DOP1A: variants seen among roughly 807,000 people sequenced by gnomAD.
DOP1A encodes DOP1 leucine zipper like protein A.
In DOP1A, 90 loss-of-function variants were observed where a neutral mutation model predicts 267.6. The ratio of observed to expected loss-of-function variants is 0.34; its 90% confidence interval spans 0.28 to 0.40. DOP1A has a LOEUF of 0.40. DOP1A is among the 10% of genes least tolerant of loss of function. The pLI, the probability that DOP1A is intolerant of heterozygous loss-of-function variation, is 1.00. For synonymous variants in DOP1A, 932 were observed against 999.1 expected (o/e 0.93, Z 1.27); for missense variants, 2,437 against 2,900.4 (o/e 0.84, Z 3.67).
intron 38 of DOP1A, chr6:83,166,846 A>G (rs1785813919): frequency 1.0e-6 from 1 of 1,001,416 alleles, no homozygotes; most frequent in South Asian, 4.5e-5. Context: ...CTGATCTTAG[A>G]AGGCAAACTC....
chr6:83,147,102 A>G (rs1780756156), intron 25 of DOP1A, 134 bp from the exon 26 acceptor site: 1 of 409,834 alleles, frequency 2.4e-6, no homozygotes, highest in Non-Finnish European at 4.4e-6. Flanking sequence ...ATGGCTCATT[A>G]ATGAAAAATT....
At position 83,138,305 on chromosome 6, in the gene DOP1A, T is replaced by C. The variant is rs774558140; in HGVS notation, c.4263T>C (p.Asn1421=). The C allele has an allele frequency of 1.1e-5, 17 of 1,612,598 alleles. No individual in the cohort carries two copies. The South Asian group carries it at 1.5e-4, about 15-fold the overall frequency. ...CTCCTCAGTTGTCTCTCCTTCAGAA[T>C]CTATTGGCCAGACACCGGATTTCTG... is the stretch of plus-strand genomic sequence containing the variant. ...AYTPQLSLLQ[N]LLARHRISVM... The change falls in exon 21 of 39, where the codon AAT becomes AAC. Residue 1421 remains asparagine (N), a synonymous_variant. Transcript: ENST00000349129.
chr6:83,107,857 A>G (rs1160992300), intron 4 of DOP1A, among the ~76,000 whole-genome samples: 2 of 152,252 alleles, frequency 1.3e-5, no homozygotes, highest in Admixed American at 1.3e-4. Context: ...CTAGAAAGGA[A>G]TTCTTCAGTA....
chr6:83,107,731 G>C (rs1773880513), intron 4 of DOP1A, among the ~76,000 whole-genome samples: 1 of 152,182 alleles, frequency 6.6e-6, no homozygotes, highest in African/African-American at 2.4e-5. Flanking sequence ...AGGCCTGAAA[G>C]TTTGGGAATC....
At chr6:83,112,763 G>T (rs996519734) in intron 6 of DOP1A, among the ~76,000 whole-genome samples, 7 of 152,084 alleles carry the variant, frequency 4.6e-5, no homozygotes, top group African/African-American at 1.7e-4. Context: ...ATGCCTAACA[G>T]CATTATGCTA....
At chr6:83,094,222 C>T (rs893214613) in intron 1 of DOP1A, among the ~76,000 whole-genome samples, 6 of 152,176 alleles carry the variant, frequency 3.9e-5, no homozygotes, top group East Asian at 1.9e-4. Context: ...AAGGTTCATG[C>T]GTGTTATAGT....
chr6:83,090,578 CAT>C (rs889505340), intron 1 of DOP1A, among the ~76,000 whole-genome samples: 6 of 152,126 alleles, frequency 3.9e-5, no homozygotes, highest in Non-Finnish European at 1.5e-5. Flanking sequence ...TGTTAAGAGA[CAT>C]GGTGAAATAA....
intron 37 of DOP1A, among the ~76,000 whole-genome samples, chr6:83,161,840 A>G (rs916255223): frequency 3.3e-5 from 5 of 152,106 alleles, no homozygotes; most frequent in Non-Finnish European, 5.9e-5. Flanking sequence ...TCCTGTCTCT[A>G]TATTCTCAGA....
chr6:83,110,613 T>C (rs932744569), intron 6 of DOP1A, among the ~76,000 whole-genome samples: 2 of 152,140 alleles, frequency 1.3e-5, no homozygotes, highest in African/African-American at 4.8e-5. Context: ...AAACAGATAG[T>C]GAAAGATAAT....
chr6:83,099,330 G>A (rs1030717786), intron 3 of DOP1A, among the ~76,000 whole-genome samples: 34 of 152,242 alleles, frequency 2.2e-4, no homozygotes, highest in African/African-American at 7.7e-4. Context: ...TCTCTTTGAT[G>A]TTAGAACTTC....
chr6:83,145,485 A>G lies in DOP1A; in HGVS notation c.5542-39A>G, dbSNP rs374690772. 7.3e-6 allele frequency: 11 copies of G among 1,509,722 alleles called. No individual in the cohort carries two copies. The East Asian group carries it at 7.4e-5, about 10-fold the overall frequency. The allele number at this position is 1,509,722 out of a possible 1,614,324, so 93.5% of individuals were successfully genotyped here. ...TTCTGTAACTTCCCCTAAAAGACTT[A>G]TATACATACATACATACATACAATG... On this transcript the variant is annotated intron_variant, in intron 24 of 38. Coordinates refer to ENST00000349129, the MANE Select transcript of DOP1A (RefSeq NM_015018.4).
intron 23 of DOP1A, among the ~76,000 whole-genome samples, chr6:83,140,964 A>G (rs760982382): frequency 2.0e-5 from 3 of 152,118 alleles, no homozygotes; most frequent in Non-Finnish European, 2.9e-5. Flanking sequence ...TAAAGGTTTC[A>G]TAGTCTTTGA....
chr6:83,125,652 A>G lies in DOP1A; in HGVS notation c.1638A>G (p.Pro546=), dbSNP rs569196442. ...CSKILSKVQP[P]LLSASTGGVL... is the part of the protein sequence containing the mutation. ...AGATCCTTAGCAAGGTTCAGCCTCCACTGTTATCTGCTAGCACTGGAGGTG... is the reference window on the plus strand; with the variant it reads ...AGATCCTTAGCAAGGTTCAGCCTCCGCTGTTATCTGCTAGCACTGGAGGTG... The change falls in exon 15 of 39, where the codon CCA becomes CCG. Residue 546 remains proline, a synonymous_variant. Transcript: ENST00000349129. 41 of 1,613,690 alleles carry G rather than the reference A, an allele frequency of 2.5e-5. No individual in the cohort carries two copies. Among genetic ancestry groups the G allele is most frequent in the Middle Eastern group, 1.6e-4 (1 of 6,084 alleles).
intron 4 of DOP1A, among the ~76,000 whole-genome samples, chr6:83,105,713 A>T (rs963955712): frequency 6.6e-6 from 1 of 152,118 alleles, no homozygotes; most frequent in Non-Finnish European, 1.5e-5. Context: ...GGTATTTTTG[A>T]TAGTAATAAA....
Position 83,152,211 on chromosome 6 carries a change from T to TAC in DOP1A, c.6050-57_6050-56dup, listed in dbSNP as rs3830924. ...TATATATATACATATATAAAAATAATACACACACACACACACACACATAAA... is the reference window on the plus strand; with the variant it reads ...TATATATATACATATATAAAAATAATACACACACACACACACACACACATAAA... On this transcript the variant is annotated intron_variant, in intron 29 of 38. Transcript: ENST00000349129. The TAC allele has an allele frequency of 4.8e-3, 3,316 of 697,068 alleles. 16 individuals carry two copies. Among genetic ancestry groups the TAC allele is most frequent in the African/African-American group, 0.017 (852 of 51,154 alleles). 43.2% of individuals were successfully genotyped at this position (697,068 alleles called of 1,614,324 possible).
At chr6:83,156,534 C>T (rs1291757258) in intron 34 of DOP1A, among the ~76,000 whole-genome samples, 1 of 152,120 alleles carries the variant, frequency 6.6e-6, no homozygotes, top group Non-Finnish European at 1.5e-5. Context: ...GTAACATTTT[C>T]GGTAACTTCA....
At chr6:83,100,965 A>G in intron 4 of DOP1A, 79 bp downstream of exon 4, 2 of 995,664 alleles carry the variant, frequency 2.0e-6, no homozygotes, top group Non-Finnish European at 2.7e-6. Flanking sequence ...TTCTGCACTA[A>G]AAACTAAAAA....
intron 38 of DOP1A, chr6:83,166,386 A>G (rs918955369): frequency 2.9e-6 from 2 of 701,346 alleles, no homozygotes; most frequent in East Asian, 5.4e-5. Flanking sequence ...TTCTTGAGCC[A>G]TCACGGCACT....
chr6:83,095,075 G>T (rs1231273018), intron 1 of DOP1A, among the ~76,000 whole-genome samples: 1 of 152,126 alleles, frequency 6.6e-6, no homozygotes, highest in African/African-American at 2.4e-5. Flanking sequence ...TGAGATTACA[G>T]GCATGAGCCA....
Sources: allele counts gnomAD v4.1 joint callset (sites outside exome capture counted in the v4.1 genomes callset), GRCh38; gene constraint gnomAD v4.1.1; transcripts MANE v1.5; gene names NCBI Gene and HGNC (gene_info 2026-07-23, HGNC 2026-07-21).